SPTB: variants seen among roughly 807,000 people sequenced by gnomAD.
SPTB encodes spectrin beta chain, erythrocytic.
In SPTB, 45 loss-of-function variants were observed where a neutral mutation model predicts 256.2. The observed-to-expected ratio is 0.18, with a 90% confidence interval of 0.14 to 0.23. SPTB has a LOEUF of 0.23. SPTB is among the 10% of genes least tolerant of loss of function. The pLI is 1.00. For synonymous variants in SPTB, 1,231 were observed against 1,243.1 expected, an observed-to-expected ratio of 0.99 and a Z score of 0.21; for missense variants, 2,715 against 3,040.4, an observed-to-expected ratio of 0.89 and a Z score of 2.52.
chr14:64,864,119 TG>T (rs1344619357), intron 1 of SPTB, among the ~76,000 whole-genome samples: 20 of 152,128 alleles, frequency 1.3e-4, no homozygotes, highest in African/African-American at 4.8e-4. Flanking sequence ...AAACTCATCA[TG>T]AAGAGATAGA....
rs1472796471 is a variant in SPTB, at chr14:64,753,647, A to C, written c.6492T>G (p.Asp2164Glu). The C allele has an allele frequency of 6.2e-7, 1 of 1,613,642 alleles. No individual in the cohort carries two copies. Among genetic ancestry groups the C allele is most frequent in the South Asian group, 1.1e-5 (1 of 91,076 alleles). Residue 2164 changes from aspartate to glutamate, a missense_variant, in exon 33 of 36, where the codon GAT becomes GAG. Physicochemically the swap from Asp to Glu is conservative, Grantham distance 45. Around this residue, in one of 4 missense-constraint regions of SPTB, gnomAD observed 2,239 missense variants for 2,384.4 expected, o/e 0.94. Transcript: ENST00000644917. ...KVLDTPLSEG[D>E]EPATLPAPRD... ...GCGGGGCCGGCAGCGTTGCGGGCTC[A>C]TCACCCTCGCTCAGAGGCGTATCTA...
At chr14:64,766,036 G>A (rs537389225) in intron 32 of SPTB, among the ~76,000 whole-genome samples, 5 of 149,368 alleles carry the variant, frequency 3.3e-5, no homozygotes, top group Non-Finnish European at 7.4e-5. Flanking sequence ...TGTGTATGTG[G>A]GTGTGTGGGT....
chr14:64,753,698 G>A lies in SPTB; in HGVS notation c.6441C>T (p.Pro2147=), dbSNP rs770438205. Residue 2147 remains proline (P), a synonymous_variant, in exon 33 of 36, where the codon CCC becomes CCT. Transcript: ENST00000644917. ...GGACCTTAAAGAGGGGCTCCGTGGT[G>A]GGCCTCTCATCCCCAGTGGATTTCT... is the stretch of plus-strand genomic sequence containing the variant. ...DGQKSTGDER[P]TTEPLFKVLD... is the part of the protein sequence containing the mutation. The A allele has an allele frequency of 1.2e-6, 2 of 1,613,704 alleles. No homozygotes were observed. The highest frequency in any genetic ancestry group is 1.6e-4 in the Middle Eastern group (1 of 6,062).
chr14:64,852,971 A>C lies in SPTB; in HGVS notation c.-52+26821T>G, dbSNP rs2083810829. ...GCTGCCGAGGAGACGTATAGGTACT[A>C]GGCAAGCATTAACAGGGAGGTTTTC... On this transcript the variant is annotated intron_variant, in intron 1 of 35. Transcript: ENST00000644917. The surrounding 1 kb of genome is among the most constrained non-coding windows in gnomAD (Gnocchi z 4.2). 6.6e-6 allele frequency among the ~76,000 whole-genome samples: 1 copy of C among 152,220 alleles called. No homozygotes were observed. Among genetic ancestry groups the C allele is most frequent in the Non-Finnish European group, 1.5e-5 (1 of 68,040 alleles).
At chr14:64,879,261 C>A (rs1186783618) in intron 1 of SPTB, among the ~76,000 whole-genome samples, 1 of 152,218 alleles carries the variant, frequency 6.6e-6, no homozygotes, top group East Asian at 1.9e-4. Flanking sequence ...GAGGCCCGGC[C>A]CCCTCTGCTG....
Position 64,772,323 on chromosome 14 carries a change from T to C in SPTB, c.5553+257A>G, listed in dbSNP as rs936920473. ...GTGCTGTGCGTGTGTCCACTAATAG[T>C]ACTGCACAACTGGAGAAACTGCAAC... On this transcript the variant is annotated intron_variant, in intron 26 of 35. Coordinates refer to ENST00000644917, the MANE Select transcript of SPTB (RefSeq NM_001355436.2). This position sits in a 1 kb window ranked among gnomAD's most constrained non-coding sequence, Gnocchi z 5.4. Among the ~76,000 whole-genome samples the C allele has an allele frequency of 6.6e-6, 1 of 152,216 alleles. No homozygotes were observed. The highest frequency in any genetic ancestry group is 2.4e-5 in the African/African-American group (1 of 41,470).
chr14:64,776,950 G>A (rs1021531308), intron 22 of SPTB, among the ~76,000 whole-genome samples: 3 of 152,218 alleles, frequency 2.0e-5, no homozygotes, highest in Admixed American at 6.5e-5. Flanking sequence ...ACCTGGTAGA[G>A]GAAATAGAAG....
At chr14:64,854,521 G>A (rs557855517) in intron 1 of SPTB, among the ~76,000 whole-genome samples, 28 of 151,602 alleles carry the variant, frequency 1.8e-4, no homozygotes, top group South Asian at 4.2e-4. Flanking sequence ...CTCATGATCC[G>A]CCCGCCTCCG....
rs1050941004 is a variant in SPTB, at chr14:64,844,111, T to C, written c.-51-20966A>G. ...AGAGTGGACCTACCCATCCTCAAAA[T>C]GGTACACCCAGGCTGGGTAGAGAAT... On this transcript the variant is annotated intron_variant, in intron 1 of 35. Coordinates refer to ENST00000644917, the MANE Select transcript of SPTB (RefSeq NM_001355436.2). The surrounding 1 kb of genome is among the most constrained non-coding windows in gnomAD (Gnocchi z 4.1). Among the ~76,000 whole-genome samples, 9 of 151,948 alleles carry C rather than the reference T, an allele frequency of 5.9e-5. No individual in the cohort carries two copies. The highest frequency in any genetic ancestry group is 1.3e-4 in the Non-Finnish European group (9 of 67,994).
In SPTB at chr14:64,777,140, G is replaced by A. The variant is rs1408179290; in HGVS notation, c.4564-1737C>T. 6.6e-6 allele frequency among the ~76,000 whole-genome samples: 1 copy of A among 152,192 alleles called. No homozygotes were observed. The highest frequency in any genetic ancestry group is 1.5e-5 in the Non-Finnish European group (1 of 68,034). ...CTTGACCATGACATGAATGACGGGA[G>A]GGAGGCAACCACACAGAGATCTGGG... On this transcript the variant is annotated intron_variant, in intron 22 of 35. Transcript: ENST00000644917. This position sits in a 1 kb window ranked among gnomAD's most constrained non-coding sequence, Gnocchi z 4.5.
chr14:64,784,654 C>T (rs1320089130), intron 18 of SPTB, among the ~76,000 whole-genome samples: 1 of 152,200 alleles, frequency 6.6e-6, no homozygotes, highest in Non-Finnish European at 1.5e-5. Context: ...TTACGCTCCT[C>T]TCCATATTTT....
chr14:64,800,053 T>A (rs2082852332), intron 8 of SPTB, 119 bp from the exon 9 acceptor site: 1 of 1,283,528 alleles, frequency 7.8e-7, no homozygotes, highest in Admixed American at 1.7e-5. Flanking sequence ...AGCCCTGGAG[T>A]GCTCTAGGCT....
intron 1 of SPTB, among the ~76,000 whole-genome samples, chr14:64,872,769 C>T (rs983808776): frequency 1.3e-5 from 2 of 152,054 alleles, no homozygotes; most frequent in Admixed American, 6.6e-5. Context: ...AACTGAATCA[C>T]GGGGGTGGGT....
Position 64,808,856 on chromosome 14 carries a change from G to T in SPTB, c.149-3766C>A, listed in dbSNP as rs191823778. On this transcript the variant is annotated intron_variant, in intron 2 of 35. Coordinates refer to ENST00000644917, the MANE Select transcript of SPTB (RefSeq NM_001355436.2). ...GCTCGAGGGTTCCAGGAAGAGAGAG[G>T]TCATTTCCAATTGGAGTGGTTGAGG... Among the ~76,000 whole-genome samples the T allele has an allele frequency of 6.6e-5, 10 of 152,186 alleles. 1 individual carries two copies. Among genetic ancestry groups the T allele is most frequent in the Admixed American group, 6.5e-4 (10 of 15,276 alleles).
At position 64,786,204 on chromosome 14, in the gene SPTB, T is replaced by C. The variant is rs574167125; in HGVS notation, c.3561+200A>G. Among the ~76,000 whole-genome samples, 8 of 152,200 alleles carry C rather than the reference T, an allele frequency of 5.3e-5. No individual in the cohort carries two copies. The highest frequency in any genetic ancestry group is 4.2e-4 in the South Asian group (2 of 4,814). On this transcript the variant is annotated intron_variant, in intron 16 of 35. Coordinates refer to ENST00000644917, the MANE Select transcript of SPTB (RefSeq NM_001355436.2). The surrounding 1 kb of genome is among the most constrained non-coding windows in gnomAD (Gnocchi z 5.6). The stretch of plus-strand genomic sequence containing the variant: ...CAAAATGCGCTTCTCTAGCCTCTGA[T>C]AGACCCAAGAACAAGGCGTAGTTTG...
At chr14:64,752,384 A>G (rs1472205548) in intron 33 of SPTB, 1 of 657,754 alleles carries the variant, frequency 1.5e-6, no homozygotes, top group Non-Finnish European at 2.4e-6. Flanking sequence ...GGTCAGAGAG[A>G]GAAACTGACC....
intron 22 of SPTB, among the ~76,000 whole-genome samples, chr14:64,776,746 A>G (rs574966676): frequency 6.6e-6 from 1 of 152,280 alleles, no homozygotes; most frequent in Non-Finnish European, 1.5e-5. Flanking sequence ...CCGGCCTAAA[A>G]GGGTATTTCT....
At chr14:64,837,741 C>T (rs1305924131) in intron 1 of SPTB, among the ~76,000 whole-genome samples, 2 of 152,136 alleles carry the variant, frequency 1.3e-5, no homozygotes, top group Non-Finnish European at 2.9e-5. Flanking sequence ...AGCAGAATTA[C>T]AGGTGTCTGT....
chr14:64,870,128 G>A (rs1025778073), intron 1 of SPTB, among the ~76,000 whole-genome samples: 1 of 152,008 alleles, frequency 6.6e-6, no homozygotes, highest in Non-Finnish European at 1.5e-5. Context: ...GAGTGAAAAG[G>A]GTACTGTAAA....
Sources: allele counts gnomAD v4.1 joint callset (sites outside exome capture counted in the v4.1 genomes callset), GRCh38; gene constraint gnomAD v4.1.1; regional missense constraint gnomAD v4.1.1; non-coding constraint Gnocchi (gnomAD v3.1); transcripts MANE v1.5; gene names NCBI Gene and HGNC (gene_info 2026-07-23, HGNC 2026-07-21).